The following ATP10B variants were observed in gnomAD, a reference collection of about 807,000 sequenced individuals.
The protein encoded by ATP10B is phospholipid-transporting ATPase VB.
A neutral mutation model predicts 141.2 loss-of-function variants in ATP10B; 122 were observed. That is an observed-to-expected ratio of 0.86 (90% CI 0.75 to 1.00). The LOEUF (loss-of-function observed/expected upper bound fraction) is 1.00. ATP10B is among the 50% of genes least tolerant of loss of function. The pLI, the probability that ATP10B is intolerant of heterozygous loss-of-function variation, is 0.00. For synonymous variants in ATP10B, 685 were observed against 692.0 expected, an observed-to-expected ratio of 0.99 and a Z score of 0.16; for missense variants, 1,876 against 1,825.3, an observed-to-expected ratio of 1.03 and a Z score of -0.51.
chr5:160,609,317 G>T (rs1253135345), intron 18 of ATP10B, among the ~76,000 whole-genome samples: 2 of 152,062 alleles, frequency 1.3e-5, no homozygotes, highest in African/African-American at 4.8e-5. Context: ...AAGGGCCAGG[G>T]TTGGGGAACA....
intron 2 of ATP10B, among the ~76,000 whole-genome samples, chr5:160,730,165 C>T (rs1032459643): frequency 2.0e-5 from 3 of 151,178 alleles, no homozygotes; most frequent in Non-Finnish European, 2.9e-5. Context: ...TGACAAAGCC[C>T]ACAGTGAGTT....
chr5:160,868,608 G>A, the ATP10B span, among the ~76,000 whole-genome samples: 5 of 150,458 alleles, frequency 3.3e-5, no homozygotes, highest in African/African-American at 9.8e-5. Flanking sequence ...GTCAGAGATT[G>A]GATTATAATA....
chr5:160,650,632 A>T (rs891872897), intron 7 of ATP10B, among the ~76,000 whole-genome samples: 1 of 152,234 alleles, frequency 6.6e-6, no homozygotes, highest in Non-Finnish European at 1.5e-5. Flanking sequence ...CATTTAGATT[A>T]ATTAAACTTA....
intron 1 of ATP10B, among the ~76,000 whole-genome samples, chr5:160,843,076 G>C (rs1237270525): frequency 6.6e-6 from 1 of 152,056 alleles, no homozygotes; most frequent in Non-Finnish European, 1.5e-5. Context: ...AATATTTCCA[G>C]ACAAATCCAG....
Position 160,622,594 on chromosome 5 carries a change from G to C in ATP10B, c.1621-9C>G, listed in dbSNP as rs1581215548. ...GGAGTTACATCTTTTTCCTGGAAGA[G>C]AAAGGCCAGAATGAGAGTCTTTTCT... On this transcript the variant is annotated splice_polypyrimidine_tract_variant and intron_variant, in intron 13 of 25. Transcript: ENST00000327245. 3 of 1,607,368 alleles carry C rather than the reference G, an allele frequency of 1.9e-6. No homozygotes were observed. In the East Asian group the frequency reaches 6.7e-5, roughly 36 times the overall value.
At chr5:160,738,098 C>T (rs1456534279) in intron 2 of ATP10B, among the ~76,000 whole-genome samples, 1 of 151,852 alleles carries the variant, frequency 6.6e-6, no homozygotes, top group Non-Finnish European at 1.5e-5. Context: ...TGCTTTCTGA[C>T]AACATAGAAT....
chr5:160,870,385 G>A, the ATP10B span, among the ~76,000 whole-genome samples: 1 of 151,242 alleles, frequency 6.6e-6, no homozygotes. Context: ...AATACGAGGT[G>A]TACTAAAAGG....
intron 7 of ATP10B, among the ~76,000 whole-genome samples, chr5:160,664,145 C>T (rs1401863736): frequency 6.6e-6 from 1 of 152,182 alleles, no homozygotes; most frequent in Admixed American, 6.5e-5. Flanking sequence ...CACTAAGTTT[C>T]ATTCTTAAAT....
chr5:160,646,432 T>C (rs1004885813), intron 8 of ATP10B, among the ~76,000 whole-genome samples: 1 of 152,232 alleles, frequency 6.6e-6, no homozygotes, highest in African/African-American at 2.4e-5. Flanking sequence ...CTCTTAAGTA[T>C]AGTAAGTGAT....
chr5:160,882,650 A>G, the ATP10B span, among the ~76,000 whole-genome samples: 1 of 152,162 alleles, frequency 6.6e-6, no homozygotes, highest in African/African-American at 2.4e-5. Flanking sequence ...AAGAAGTCTT[A>G]TTCAAAGATG....
At chr5:160,928,064 A>G in the ATP10B span, among the ~76,000 whole-genome samples, 1 of 152,180 alleles carries the variant, frequency 6.6e-6, no homozygotes, top group Non-Finnish European at 1.5e-5. Flanking sequence ...TGGACCTGAT[A>G]TGAGGTGAGG....
chr5:160,643,226 T>A (rs889992873), intron 9 of ATP10B, among the ~76,000 whole-genome samples: 2 of 152,224 alleles, frequency 1.3e-5, no homozygotes, highest in African/African-American at 4.8e-5. Flanking sequence ...TTATGGTAGA[T>A]GGATATTTAA....
chr5:160,603,857 T>G (rs142747095), intron 20 of ATP10B, 108 bp downstream of exon 20: 2 of 887,290 alleles, frequency 2.3e-6, no homozygotes, highest in African/African-American at 3.3e-5. Flanking sequence ...CATTGCAACT[T>G]TGGATGTGGG....
chr5:160,649,847 G>A (rs757152885), intron 7 of ATP10B, among the ~76,000 whole-genome samples: 19 of 152,060 alleles, frequency 1.2e-4, no homozygotes, highest in African/African-American at 2.4e-4. Context: ...GCCAGGCATG[G>A]TGGCTCACAC....
the ATP10B span, among the ~76,000 whole-genome samples, chr5:160,907,667 T>C: frequency 6.6e-6 from 1 of 152,174 alleles, no homozygotes; most frequent in Non-Finnish European, 1.5e-5. Context: ...CTGGGCCCCA[T>C]GTAATTCTCA....
rs557218450 is a variant in ATP10B at position 160,649,795 on chromosome 5, C to T, written c.676-539G>A. 3.9e-5 allele frequency among the ~76,000 whole-genome samples: 6 copies of T among 152,050 alleles called. No homozygotes were observed. The East Asian group carries it at 9.6e-4, about 24-fold the overall frequency. On this transcript the variant is annotated intron_variant, in intron 7 of 25. Coordinates refer to ENST00000327245, the MANE Select transcript of ATP10B (RefSeq NM_025153.3). ...GAGATATCCACAGCTAAAATGCTTG[C>T]GCATGTAATATTTCCAGGGTTTTAA... is the stretch of plus-strand genomic sequence containing the variant.
At chr5:160,757,591 G>T (rs555909727) in intron 2 of ATP10B, among the ~76,000 whole-genome samples, 49 of 152,226 alleles carry the variant, frequency 3.2e-4, no homozygotes, top group African/African-American at 1.2e-3. Context: ...GGCTGGCTTT[G>T]TTTTTCACTT....
chr5:160,634,897 C>T (rs1218499667), intron 11 of ATP10B, among the ~76,000 whole-genome samples: 1 of 152,116 alleles, frequency 6.6e-6, no homozygotes, highest in South Asian at 2.1e-4. Flanking sequence ...CCTCTGACTC[C>T]CTTTAGATCT....
chr5:160,650,175 C>CAT (rs904164946), intron 7 of ATP10B, among the ~76,000 whole-genome samples: 22 of 149,574 alleles, frequency 1.5e-4, no homozygotes, highest in African/African-American at 3.5e-4. Context: ...TATATACATA[C>CAT]ATATATATAT....
Sources: gnomAD v4.1 joint callset for allele counts (sites outside exome capture counted in the v4.1 genomes callset) on GRCh38, gnomAD v4.1.1 for gene constraint, MANE v1.5 for transcripts, NCBI Gene and HGNC (gene_info 2026-07-23, HGNC 2026-07-21) for gene names.